NUP210: variants seen among roughly 807,000 people sequenced by gnomAD.
NUP210 encodes nuclear pore membrane glycoprotein 210.
A neutral mutation model predicts 196.0 loss-of-function variants in NUP210; 151 were observed. The ratio of observed to expected loss-of-function variants is 0.77; its 90% CI spans 0.67 to 0.88. The LOEUF is 0.88. Among genes scored for constraint, NUP210 ranks in the 40% least tolerant of loss-of-function variants. The pLI is 0.00. For missense variants in NUP210, 2,314 were observed against 2,493.7 expected, an observed-to-expected ratio of 0.93 and a Z score of 1.53; for synonymous variants, 1,070 against 1,052.7, an observed-to-expected ratio of 1.02 and a Z score of -0.32.
rs759304371 is a variant in NUP210, at chr3:13,360,413, A to C, written c.2011T>G (p.Trp671Gly). 1.2e-6 allele frequency: 2 copies of C among 1,614,100 alleles called. No homozygotes were observed. The highest frequency in any genetic ancestry group is 8.5e-7 in the Non-Finnish European group (1 of 1,180,000). Residue 671 changes from tryptophan to glycine, a missense_variant, in exon 15 of 40, where the codon TGG becomes GGG. Coordinates refer to ENST00000254508, the MANE Select transcript of NUP210 (RefSeq NM_024923.4). ...AAGAATTTGGACGGCTCGAGGATCC[A>C]AGGTCTGGGACCTCCTTCAAACAGC... Reference protein sequence around the residue: ...EMLFEGGPRPWILEPSKFFQN... With the variant: ...EMLFEGGPRPGILEPSKFFQN...
chr3:13,393,852 A>G (rs7618989), intron 3 of NUP210, among the ~76,000 whole-genome samples: 88,761 of 152,148 alleles, frequency 0.58, 27,255 homozygotes, highest in African/African-American at 0.78. Context: ...AAAGCCAGGG[A>G]TCCAGTCTCC....
chr3:13,394,859 C>A (rs1163524439), intron 3 of NUP210, among the ~76,000 whole-genome samples: 1 of 152,116 alleles, frequency 6.6e-6, no homozygotes, highest in African/African-American at 2.4e-5. Context: ...AGACTCTGAT[C>A]AGAAAAGAGG....
At chr3:13,331,512 C>A (rs896231899) in intron 29 of NUP210, among the ~76,000 whole-genome samples, 1 of 152,200 alleles carries the variant, frequency 6.6e-6, no homozygotes, top group African/African-American at 2.4e-5. Flanking sequence ...ACATGCCTCC[C>A]CTAAATCCCC....
chr3:13,381,268 A>G (rs1230164928), intron 6 of NUP210, among the ~76,000 whole-genome samples: 1 of 152,234 alleles, frequency 6.6e-6, no homozygotes. Context: ...TTTCTAAATG[A>G]GTAAGGCCCT....
chr3:13,362,659 C>T (rs1698410224), intron 14 of NUP210, among the ~76,000 whole-genome samples: 1 of 152,210 alleles, frequency 6.6e-6, no homozygotes, highest in African/African-American at 2.4e-5. Context: ...GGGCATCCCT[C>T]CCTGCACATG....
chr3:13,403,159 A>AT (rs1699895406), intron 1 of NUP210, among the ~76,000 whole-genome samples: 1 of 152,194 alleles, frequency 6.6e-6, no homozygotes, highest in African/African-American at 2.4e-5. Context: ...TACTGGCTGC[A>AT]TTTTCAGAGC....
At chr3:13,324,309 C>A (rs1160466862) in intron 33 of NUP210, among the ~76,000 whole-genome samples, 1 of 151,972 alleles carries the variant, frequency 6.6e-6, no homozygotes, top group African/African-American at 2.4e-5. Flanking sequence ...CTGGAGTGCC[C>A]GTGCACTCCC....
At chr3:13,410,725 G>A (rs111563495) in intron 1 of NUP210, among the ~76,000 whole-genome samples, 33,361 of 149,384 alleles carry the variant, frequency 0.22, 5,870 homozygotes, top group African/African-American at 0.49. Context: ...AGACCATCCC[G>A]GCTAACATGG....
At position 13,316,652 on chromosome 3, in the gene NUP210, C is replaced by T. The variant is rs1050342684; in HGVS notation, c.*1029G>A. 1.3e-5 allele frequency: 2 copies of T among 152,264 alleles called. No homozygotes were observed. The highest frequency in any genetic ancestry group is 4.8e-5 in the African/African-American group (2 of 41,480). 9.4% of individuals were successfully genotyped at this position (152,264 alleles called of 1,614,324 possible). Reference sequence around the variant, plus strand: ...TGGCGGCCGCCCTCCATCATTGGCCCAGGCCGGGCTCTAGGGCCTGCTGGG... The same window carrying T: ...TGGCGGCCGCCCTCCATCATTGGCCTAGGCCGGGCTCTAGGGCCTGCTGGG... On this transcript the variant is annotated 3_prime_UTR_variant, in exon 40 of 40. Transcript: ENST00000254508.
rs1348600382 is a variant in NUP210 at position 13,323,218 on chromosome 3, G to C, written c.4768+91C>G. ...CTGGAGTTGGTGTGAGTGTGAATAG[G>C]AGAAGCAGATAAACTCCATCCAGAG... On this transcript the variant is annotated intron_variant, in intron 34 of 39. Coordinates refer to ENST00000254508, the MANE Select transcript of NUP210 (RefSeq NM_024923.4). This position sits in a 1 kb window ranked among gnomAD's most constrained non-coding sequence, Gnocchi z 4.3. 4 of 1,517,302 alleles carry C rather than the reference G, an allele frequency of 2.6e-6. No individual in the cohort carries two copies. The highest frequency in any genetic ancestry group is 3.6e-6 in the Non-Finnish European group (4 of 1,108,516). The allele number at this position is 1,517,302 out of a possible 1,614,324, so 94.0% of individuals were successfully genotyped here.
chr3:13,328,430 T>C (rs1696864761), intron 31 of NUP210, among the ~76,000 whole-genome samples: 1 of 152,238 alleles, frequency 6.6e-6, no homozygotes, highest in Non-Finnish European at 1.5e-5. Context: ...TTTGAATGCA[T>C]TCAGCAACAG....
chr3:13,384,113 C>T (rs1699192859), intron 6 of NUP210, among the ~76,000 whole-genome samples: 1 of 152,180 alleles, frequency 6.6e-6, no homozygotes, highest in Non-Finnish European at 1.5e-5. Flanking sequence ...CAGGCGTGCG[C>T]CACCACACCT....
intron 1 of NUP210, among the ~76,000 whole-genome samples, chr3:13,409,621 C>A (rs766592142): frequency 2.0e-5 from 3 of 152,162 alleles, no homozygotes; most frequent in Admixed American, 2.0e-4. Flanking sequence ...TGTTAAGTGA[C>A]CTTCATGAAG....
chr3:13,352,285 GC>G, intron 18 of NUP210, 101 bp from the exon 19 acceptor site: 1 of 802,162 alleles, frequency 1.2e-6, no homozygotes. Context: ...CTTGCTCCTG[GC>G]CACAAGCCCC....
chr3:13,373,327 G>A (rs1403280426), intron 12 of NUP210, among the ~76,000 whole-genome samples: 1 of 152,258 alleles, frequency 6.6e-6, no homozygotes, highest in Non-Finnish European at 1.5e-5. Context: ...AAAGGTGAGT[G>A]AAGAGAGAGG....
At chr3:13,346,827 G>T (rs1697751949) in intron 20 of NUP210, among the ~76,000 whole-genome samples, 1 of 152,210 alleles carries the variant, frequency 6.6e-6, no homozygotes, top group African/African-American at 2.4e-5. Context: ...CCAAGCGAGT[G>T]TGCCCCTGAT....
At chr3:13,318,958 T>C in intron 39 of NUP210, 114 bp downstream of exon 39, 1 of 1,020,422 alleles carries the variant, frequency 9.8e-7, no homozygotes, top group Non-Finnish European at 1.4e-6. Flanking sequence ...CAGGCTCCTT[T>C]GGCCCAGGCA....
intron 1 of NUP210, 108 bp from the exon 2 acceptor site, chr3:13,399,969 A>G: frequency 7.4e-7 from 1 of 1,346,042 alleles, no homozygotes; most frequent in South Asian, 1.4e-5. Flanking sequence ...CTGGACCCAA[A>G]GACAGAAGTG....
At position 13,348,476 on chromosome 3, in the gene NUP210, G is replaced by C. The variant is rs1697838030; in HGVS notation, c.2835+3403C>G. ...ACTGTACACATTTTTCCCTAACTTG[G>C]AACTCCCCTCTTCTTGGTAATGGGG... On this transcript the variant is annotated intron_variant, in intron 20 of 39. Transcript: ENST00000254508. The surrounding 1 kb of genome is among the most constrained non-coding windows in gnomAD (Gnocchi z 4.0). 1 of 985,102 alleles carries C rather than the reference G, an allele frequency of 1.0e-6. No individual in the cohort carries two copies. Among genetic ancestry groups the C allele is most frequent in the Non-Finnish European group, 1.2e-6 (1 of 829,912 alleles). The allele number at this position is 985,102 out of a possible 1,614,324, so 61.0% of individuals were successfully genotyped here.
Sources: gnomAD v4.1 joint callset for allele counts (sites outside exome capture counted in the v4.1 genomes callset) on GRCh38, gnomAD v4.1.1 for gene constraint, Gnocchi (gnomAD v3.1) non-coding constraint, MANE v1.5 for transcripts, NCBI Gene and HGNC (gene_info 2026-07-23, HGNC 2026-07-21) for gene names.